The following DENND4C variants were observed in gnomAD, a reference collection of about 807,000 sequenced individuals.
The protein encoded by DENND4C is DENN domain-containing protein 4C.
Under a neutral mutation model 203.0 loss-of-function variants are expected in DENND4C, and 108 were observed. That is an observed-to-expected ratio of 0.53 (90% confidence interval 0.46 to 0.62). DENND4C has a LOEUF of 0.62. Among genes scored for constraint, DENND4C ranks in the 20% least tolerant of loss-of-function variants. The pLI, the probability that DENND4C is intolerant of heterozygous loss-of-function variation, is 0.00. For synonymous variants in DENND4C, 871 were observed against 792.4 expected, an observed-to-expected ratio of 1.10 and a Z score of -1.67; for missense variants, 2,481 against 2,301.2, an observed-to-expected ratio of 1.08 and a Z score of -1.60.
At chr9:19,275,555 C>T (rs890303347) in intron 1 of DENND4C, among the ~76,000 whole-genome samples, 1 of 152,088 alleles carries the variant, frequency 6.6e-6, no homozygotes, top group African/African-American at 2.4e-5. Context: ...ACTGCAGCTT[C>T]TGCCCCCTGG....
chr9:19,275,069 C>T (rs963563067), intron 1 of DENND4C, among the ~76,000 whole-genome samples: 3 of 152,158 alleles, frequency 2.0e-5, no homozygotes, highest in South Asian at 4.1e-4. Context: ...CCTCTGCCCC[C>T]CAGGTTCAAG....
intron 1 of DENND4C, among the ~76,000 whole-genome samples, chr9:19,245,326 G>C (rs887445044): frequency 6.6e-6 from 1 of 151,920 alleles, no homozygotes; most frequent in Non-Finnish European, 1.5e-5. Context: ...AATTAGCTGG[G>C]CATGGTGGGA....
intron 3 of DENND4C, among the ~76,000 whole-genome samples, chr9:19,287,578 C>G (rs1200296584): frequency 2.0e-5 from 3 of 152,000 alleles, no homozygotes; most frequent in African/African-American, 4.8e-5. Flanking sequence ...AACTCTTGAC[C>G]TTAAGTGATC....
rs1251102340 is a variant in DENND4C, at chr9:19,374,052, T to TAAC, written c.*1881_*1883dup. On this transcript the variant is annotated 3_prime_UTR_variant, in exon 33 of 33. Coordinates refer to ENST00000434457, the MANE Select transcript of DENND4C (RefSeq NM_001330640.2). ...AAGACTTGGTACTAGTTTTAATACT[T>TAAC]AACACTTACTGACCCAACAGAAGTT... 3.3e-5 allele frequency among the ~76,000 whole-genome samples: 5 copies of TAAC among 152,208 alleles called. No homozygotes were observed. Among genetic ancestry groups the TAAC allele is most frequent in the Non-Finnish European group, 7.3e-5 (5 of 68,036 alleles).
intron 24 of DENND4C, among the ~76,000 whole-genome samples, chr9:19,351,805 TAA>T (rs1343290615): frequency 1.3e-4 from 17 of 127,544 alleles, no homozygotes; most frequent in Non-Finnish European, 1.5e-4. Context: ...AGACTCCATC[TAA>T]AAAAAAAAAA....
chr9:19,367,977 A>G (rs1421963550), intron 30 of DENND4C, among the ~76,000 whole-genome samples: 2 of 152,194 alleles, frequency 1.3e-5, no homozygotes, highest in Admixed American at 6.5e-5. Flanking sequence ...GTGGTTGCCT[A>G]GGGCTAAGGG....
Position 19,303,909 on chromosome 9 carries a change from C to G in DENND4C, c.1312-1443C>G, listed in dbSNP as rs1037053613. On this transcript the variant is annotated intron_variant, in intron 9 of 32. Transcript: ENST00000434457. ...AATTTTTTTGTGGAGATGAGGGTCTCACTCTGTTGTCCAGGCTGGCCTTGA... is the reference window on the plus strand; with the variant it reads ...AATTTTTTTGTGGAGATGAGGGTCTGACTCTGTTGTCCAGGCTGGCCTTGA... Among the ~76,000 whole-genome samples, 5 of 150,846 alleles carry G rather than the reference C, an allele frequency of 3.3e-5. No individual in the cohort carries two copies. In the South Asian group the frequency reaches 1.0e-3, roughly 31 times the overall value.
chr9:19,333,965 T>C (rs964740550), intron 17 of DENND4C, among the ~76,000 whole-genome samples: 1 of 152,240 alleles, frequency 6.6e-6, no homozygotes, highest in African/African-American at 2.4e-5. Context: ...ATACTGTCTT[T>C]AATTCCTTTG....
chr9:19,246,397 A>G (rs945637533), intron 1 of DENND4C, among the ~76,000 whole-genome samples: 12 of 152,034 alleles, frequency 7.9e-5, no homozygotes, highest in African/African-American at 2.9e-4. Flanking sequence ...AGACTATGTA[A>G]TCTCTTTCCT....
intron 24 of DENND4C, among the ~76,000 whole-genome samples, chr9:19,351,287 A>G (rs1176925440): frequency 6.6e-6 from 1 of 152,148 alleles, no homozygotes; most frequent in Non-Finnish European, 1.5e-5. Context: ...AATCTGGGAA[A>G]TTTGTTTCAA....
chr9:19,356,901 C>G, intron 26 of DENND4C, 71 bp from the exon 27 acceptor site: 2 of 1,400,732 alleles, frequency 1.4e-6, no homozygotes, highest in Non-Finnish European at 2.0e-6. Context: ...TAAAATGATT[C>G]TAAATATGAT....
intron 12 of DENND4C, 87 bp downstream of exon 12, chr9:19,316,926 A>G (rs1462903749): frequency 8.9e-7 from 1 of 1,125,550 alleles, no homozygotes; most frequent in Non-Finnish European, 1.2e-6. Context: ...CTTATTGTAT[A>G]AATTATTACA....
chr9:19,300,548 G>A (rs1007236708), intron 9 of DENND4C, among the ~76,000 whole-genome samples: 1 of 152,094 alleles, frequency 6.6e-6, no homozygotes, highest in African/African-American at 2.4e-5. Context: ...TAGGAAAAAC[G>A]TCAATTTCCA....
At chr9:19,275,320 T>C (rs2037818561) in intron 1 of DENND4C, among the ~76,000 whole-genome samples, 2 of 129,884 alleles carry the variant, frequency 1.5e-5, no homozygotes, top group Non-Finnish European at 3.2e-5. Flanking sequence ...TGAGACAGAG[T>C]CTCACTCTGT....
intron 26 of DENND4C, among the ~76,000 whole-genome samples, chr9:19,356,609 A>AT (rs887796304): frequency 6.5e-4 from 96 of 147,878 alleles, no homozygotes; most frequent in Middle Eastern, 3.4e-3. Context: ...GCAGCTCTTT[A>AT]TTTTTTTTTT....
chr9:19,368,332 C>T (rs1185074325), intron 30 of DENND4C, among the ~76,000 whole-genome samples: 1 of 147,138 alleles, frequency 6.8e-6, no homozygotes, highest in Non-Finnish European at 1.5e-5. Context: ...CGGTGTTACA[C>T]AATACAATAT....
intron 2 of DENND4C, among the ~76,000 whole-genome samples, chr9:19,283,610 C>CTTTTTTTTTTTTTTTTTTTTTTTTT (rs553611899): frequency 8.6e-6 from 1 of 116,616 alleles, no homozygotes. Flanking sequence ...TTTTTTCTTT[C>CTTTTTTTTTTTTTTTTTTTTTTTTT]TTTTTTTTTT....
intron 12 of DENND4C, among the ~76,000 whole-genome samples, chr9:19,319,841 T>C (rs758081786): frequency 6.6e-6 from 1 of 152,196 alleles, no homozygotes; most frequent in Non-Finnish European, 1.5e-5. Context: ...CAGAGAAATA[T>C]TCCTTGAAGA....
chr9:19,252,626 T>C (rs531088825), intron 1 of DENND4C, among the ~76,000 whole-genome samples: 1 of 152,290 alleles, frequency 6.6e-6, no homozygotes, highest in East Asian at 1.9e-4. Flanking sequence ...TTCCTTTCAA[T>C]GTGGTTGTGT....
Sources: allele counts gnomAD v4.1 joint callset (sites outside exome capture counted in the v4.1 genomes callset), GRCh38; gene constraint gnomAD v4.1.1; transcripts MANE v1.5; gene names NCBI Gene and HGNC (gene_info 2026-07-23, HGNC 2026-07-21).